Variants in AUH observed in about 807,000 individuals in gnomAD.
The protein encoded by AUH is methylglutaconyl-CoA hydratase, mitochondrial.
In AUH, 29 loss-of-function variants were observed where a neutral mutation model predicts 42.3. The observed-to-expected ratio is 0.69, with a 90% CI of 0.51 to 0.93. AUH has a LOEUF of 0.93. Among genes scored for constraint, AUH ranks in the 40% least tolerant of loss-of-function variants. The pLI is 0.00. For synonymous variants in AUH, 174 were observed against 166.4 expected, an observed-to-expected ratio of 1.05 and a Z score of -0.35; for missense variants, 452 against 438.1, an observed-to-expected ratio of 1.03 and a Z score of -0.28.
intron 3 of AUH, among the ~76,000 whole-genome samples, chr9:91,348,391 TCTGA>T (rs1354616320): frequency 6.6e-6 from 1 of 152,202 alleles, no homozygotes; most frequent in African/African-American, 2.4e-5. Flanking sequence ...TAATTCTACT[TCTGA>T]CTATTTACCT....
chr9:91,361,241 T>G (rs1564140129), intron 1 of AUH, among the ~76,000 whole-genome samples: 1 of 152,154 alleles, frequency 6.6e-6, no homozygotes, highest in Non-Finnish European at 1.5e-5. Context: ...CTTTTACAAC[T>G]CCACCACTAA....
At chr9:91,334,027 TAGAC>T (rs1830519085) in intron 3 of AUH, among the ~76,000 whole-genome samples, 1 of 152,164 alleles carries the variant, frequency 6.6e-6, no homozygotes, top group Non-Finnish European at 1.5e-5. Flanking sequence ...CGTTATGTAT[TAGAC>T]AGACCCTTTA....
At chr9:91,242,616 G>A (rs368632106) in intron 6 of AUH, among the ~76,000 whole-genome samples, 6 of 152,154 alleles carry the variant, frequency 3.9e-5, no homozygotes, top group South Asian at 2.1e-4. Flanking sequence ...CACATCAACC[G>A]TTTTTCTTGT....
At chr9:91,229,997 C>G (rs1251061551) in intron 6 of AUH, among the ~76,000 whole-genome samples, 1 of 151,770 alleles carries the variant, frequency 6.6e-6, no homozygotes, top group Non-Finnish European at 1.5e-5. Flanking sequence ...ACATTTTTTC[C>G]TTCATTTCAA....
chr9:91,335,251 T>C (rs1217038704), intron 3 of AUH, among the ~76,000 whole-genome samples: 4 of 152,250 alleles, frequency 2.6e-5, no homozygotes, highest in Non-Finnish European at 5.9e-5. Context: ...AATTTCCACA[T>C]TGCTCTGGTA....
intron 4 of AUH, among the ~76,000 whole-genome samples, chr9:91,300,939 C>T (rs955081676): frequency 5.9e-5 from 9 of 152,194 alleles, no homozygotes; most frequent in Non-Finnish European, 1.0e-4. Flanking sequence ...ACATTCATTA[C>T]CATACAGCCC....
intron 4 of AUH, among the ~76,000 whole-genome samples, chr9:91,309,706 T>C (rs1828551525): frequency 6.6e-6 from 1 of 152,160 alleles, no homozygotes; most frequent in Admixed American, 6.5e-5. Flanking sequence ...AATTACTGAT[T>C]GCATACAACA....
intron 6 of AUH, among the ~76,000 whole-genome samples, chr9:91,277,371 C>T (rs1825628320): frequency 6.6e-6 from 1 of 151,986 alleles, no homozygotes; most frequent in Non-Finnish European, 1.5e-5. Context: ...ATTCCAGTAT[C>T]AAAAAATGTA....
intron 6 of AUH, among the ~76,000 whole-genome samples, chr9:91,235,090 T>A (rs559345169): frequency 6.6e-6 from 1 of 151,998 alleles, no homozygotes; most frequent in East Asian, 1.9e-4. Flanking sequence ...AGTAGAAGTT[T>A]ACATTTTACC....
intron 4 of AUH, among the ~76,000 whole-genome samples, chr9:91,306,616 C>T (rs1405759816): frequency 6.6e-6 from 1 of 152,100 alleles, no homozygotes; most frequent in African/African-American, 2.4e-5. Flanking sequence ...CAGGTCCTAT[C>T]GCAGACCCAT....
chr9:91,348,206 A>G (rs978273448), intron 3 of AUH, among the ~76,000 whole-genome samples: 3 of 152,236 alleles, frequency 2.0e-5, no homozygotes, highest in Non-Finnish European at 4.4e-5. Context: ...TAAAACTACA[A>G]TGAAATATGA....
At chr9:91,237,969 C>T (rs911062742) in intron 6 of AUH, among the ~76,000 whole-genome samples, 2 of 152,154 alleles carry the variant, frequency 1.3e-5, no homozygotes, top group East Asian at 1.9e-4. Context: ...TAACAAATGA[C>T]GAGCACTGAG....
intron 6 of AUH, among the ~76,000 whole-genome samples, chr9:91,237,886 T>C (rs1194558718): frequency 3.9e-5 from 6 of 152,200 alleles, no homozygotes; most frequent in Non-Finnish European, 4.4e-5. Flanking sequence ...TTATTTACAA[T>C]AGCAATGATT....
intron 3 of AUH, among the ~76,000 whole-genome samples, chr9:91,338,227 G>A (rs561641598): frequency 1.3e-5 from 2 of 152,166 alleles, no homozygotes; most frequent in Non-Finnish European, 2.9e-5. Flanking sequence ...TCTGTCCAGC[G>A]TCTCAGCCCC....
At chr9:91,360,696 T>C (rs1040058584) in intron 1 of AUH, among the ~76,000 whole-genome samples, 1 of 152,218 alleles carries the variant, frequency 6.6e-6, no homozygotes, top group Non-Finnish European at 1.5e-5. Context: ...CCTTTCCTCT[T>C]ACCATGCCTT....
At chr9:91,240,518 A>G (rs1270645603) in intron 6 of AUH, among the ~76,000 whole-genome samples, 5 of 152,138 alleles carry the variant, frequency 3.3e-5, no homozygotes, top group Non-Finnish European at 7.4e-5. Context: ...CCTCCAGGTA[A>G]GGCTATCTGG....
chr9:91,340,344 C>G (rs989841935), intron 3 of AUH, among the ~76,000 whole-genome samples: 1 of 152,106 alleles, frequency 6.6e-6, no homozygotes, highest in Non-Finnish European at 1.5e-5. Context: ...CAAATGTTTA[C>G]AGTCACAAAA....
chr9:91,239,465 T>C (rs991405056), intron 6 of AUH, among the ~76,000 whole-genome samples: 3 of 152,188 alleles, frequency 2.0e-5, no homozygotes, highest in African/African-American at 7.2e-5. Context: ...GCAAGCTGAT[T>C]CCTGTGGGAC....
At chr9:91,352,865 G>A (rs890477557) in intron 3 of AUH, among the ~76,000 whole-genome samples, 4 of 152,170 alleles carry the variant, frequency 2.6e-5, no homozygotes, top group Non-Finnish European at 5.9e-5. Context: ...TGTAAAAGAT[G>A]ATTCTCAAAG....
Sources: allele counts gnomAD v4.1 joint callset (sites outside exome capture counted in the v4.1 genomes callset), GRCh38; gene constraint gnomAD v4.1.1; transcripts MANE v1.5; gene names NCBI Gene and HGNC (gene_info 2026-07-23, HGNC 2026-07-21).